Variants in GRK7 observed in about 807,000 individuals in gnomAD.
GRK7 encodes the protein G protein-coupled receptor kinase 7, also known as rhodopsin kinase GRK7.
A neutral mutation model predicts 34.1 loss-of-function variants in GRK7; 24 were observed. The ratio of observed to expected loss-of-function variants is 0.70; its 90% CI spans 0.51 to 0.99. The LOEUF is 0.99. Ranked by LOEUF, GRK7 falls within the 50% of genes least tolerant of loss-of-function variation. GRK7 has a pLI of 0.00. For synonymous variants in GRK7, 256 were observed against 279.4 expected (o/e 0.92, Z 0.84); for missense variants, 644 against 707.3 (o/e 0.91, Z 1.02).
At chr3:141,795,672 G>A (rs2084745682) in intron 4 of GRK7, among the ~76,000 whole-genome samples, 1 of 152,148 alleles carries the variant, frequency 6.6e-6, no homozygotes, top group Non-Finnish European at 1.5e-5. Context: ...AGGTGTGGTG[G>A]CTAATGCCTG....
intron 5 of GRK7, among the ~76,000 whole-genome samples, chr3:141,810,855 T>C (rs144689539): frequency 3.9e-5 from 6 of 152,260 alleles, no homozygotes; most frequent in Non-Finnish European, 8.8e-5. Context: ...AAATAGGATA[T>C]GGTGACCACT....
intron 4 of GRK7, among the ~76,000 whole-genome samples, chr3:141,799,596 A>G (rs945003634): frequency 2.0e-5 from 3 of 150,972 alleles, no homozygotes; most frequent in African/African-American, 7.3e-5. Context: ...TGGGTGATAG[A>G]GTGAGGCTCG....
At chr3:141,798,868 AC>A (rs1451386469) in intron 4 of GRK7, among the ~76,000 whole-genome samples, 1 of 152,248 alleles carries the variant, frequency 6.6e-6, no homozygotes, top group Non-Finnish European at 1.5e-5. Flanking sequence ...TCCATGGCTG[AC>A]ATTTTCTGTC....
intron 1 of GRK7, among the ~76,000 whole-genome samples, chr3:141,771,307 G>A (rs1289443360): frequency 6.6e-6 from 1 of 152,126 alleles, no homozygotes. Context: ...AATGTGGATG[G>A]AACTGGAGGC....
Position 141,778,575 on chromosome 3 carries a change from G to T in GRK7, c.291G>T (p.Glu97Asp). ...LEDVQNWELAEEGPTKDSALQ... is the reference protein window; with the variant it reads ...LEDVQNWELADEGPTKDSALQ... ...ACGTGCAGAACTGGGAGCTGGCCGA[G>T]GAGGGACCCACCAAAGACAGCGCGC... The change falls in exon 3 of 6, where the codon GAG becomes GAT. Residue 97 changes from glutamate to aspartate, a missense_variant. Glu to Asp is a conservative substitution (Grantham distance 45). Transcript: ENST00000682958. The surrounding 1 kb of genome is among the most constrained non-coding windows in gnomAD (Gnocchi z 4.1). 6.2e-7 allele frequency: 1 copy of T among 1,613,262 alleles called. No individual in the cohort carries two copies. The highest frequency in any genetic ancestry group is 1.1e-5 in the South Asian group (1 of 91,058).
intron 4 of GRK7, among the ~76,000 whole-genome samples, chr3:141,807,087 G>A (rs978947662): frequency 6.6e-6 from 1 of 152,094 alleles, no homozygotes; most frequent in African/African-American, 2.4e-5. Context: ...CAATTAAAAT[G>A]ACAGTGTTAA....
At chr3:141,768,039 T>A (rs2084597679) in intron 1 of GRK7, among the ~76,000 whole-genome samples, 1 of 152,208 alleles carries the variant, frequency 6.6e-6, no homozygotes, top group Admixed American at 6.5e-5. Context: ...TCCTGAAAGT[T>A]AGAAAATGAA....
chr3:141,788,900 C>A lies in GRK7; in HGVS notation c.1050+8089C>A, dbSNP rs985567038. On this transcript the variant is annotated intron_variant, in intron 4 of 5. Transcript: ENST00000682958. The stretch of plus-strand genomic sequence containing the variant: ...CCAGGCTGGAGTGCAGTGGTGTGAT[C>A]TCAGCTCACTGAAACCTCTACCTCT... Among the ~76,000 whole-genome samples the A allele has an allele frequency of 1.1e-4, 17 of 152,290 alleles. No individual in the cohort carries two copies. In the East Asian group the frequency reaches 2.7e-3, roughly 24 times the overall value.
chr3:141,803,896 G>C (rs775064936), intron 4 of GRK7, among the ~76,000 whole-genome samples: 1 of 142,548 alleles, frequency 7.0e-6, no homozygotes, highest in Non-Finnish European at 1.5e-5. Flanking sequence ...ATTTTTAGTA[G>C]AGACGGGTTT....
intron 4 of GRK7, 143 bp from the exon 5 acceptor site, chr3:141,807,502 A>G (rs1299140435): frequency 8.0e-6 from 6 of 748,972 alleles, no homozygotes; most frequent in Middle Eastern, 3.9e-4. Flanking sequence ...GGTTAGACAC[A>G]TTGCCACCCC....
At chr3:141,797,023 C>T (rs1257818171) in intron 4 of GRK7, among the ~76,000 whole-genome samples, 2 of 152,210 alleles carry the variant, frequency 1.3e-5, no homozygotes, top group African/African-American at 4.8e-5. Context: ...GAGTAAGCGG[C>T]TGTGGGTGAC....
chr3:141,794,250 C>T (rs1461460432), intron 4 of GRK7, among the ~76,000 whole-genome samples: 3 of 152,146 alleles, frequency 2.0e-5, no homozygotes, highest in African/African-American at 7.2e-5. Flanking sequence ...GCATTAAACC[C>T]CAGTAAAGGT....
chr3:141,776,342 A>G (rs541233220), intron 2 of GRK7, among the ~76,000 whole-genome samples: 1 of 152,312 alleles, frequency 6.6e-6, no homozygotes, highest in African/African-American at 2.4e-5. Flanking sequence ...TATCTGTGAT[A>G]TCAATGCTAC....
chr3:141,790,855 C>T (rs562861849), intron 4 of GRK7, among the ~76,000 whole-genome samples: 5 of 152,324 alleles, frequency 3.3e-5, no homozygotes, highest in South Asian at 2.1e-4. Flanking sequence ...TAAGCCACCG[C>T]GCCCGGTCAA....
rs2084577630 is a variant in GRK7, at chr3:141,765,710, G to A, written c.-243G>A. On this transcript the variant is annotated 5_prime_UTR_variant, in exon 1 of 6. Coordinates refer to ENST00000682958, the MANE Select transcript of GRK7 (RefSeq NM_139209.3). ...AGCTCAGCCACCCACCGATCCCCCA[G>A]CTGAATGCAACCATAAGAGTGAGTC... Among the ~76,000 whole-genome samples, 1 of 152,096 alleles carries A rather than the reference G, an allele frequency of 6.6e-6. No individual in the cohort carries two copies. The highest frequency in any genetic ancestry group is 1.5e-5 in the Non-Finnish European group (1 of 68,016).
intron 4 of GRK7, among the ~76,000 whole-genome samples, chr3:141,799,539 G>C (rs760277625): frequency 1.7e-4 from 26 of 152,062 alleles, no homozygotes; most frequent in Non-Finnish European, 2.6e-4. Context: ...TTGAACCTGG[G>C]AGGTGGAGGT....
At chr3:141,757,147 C>CTTTTTTTTTTT in the GRK7 span, among the ~76,000 whole-genome samples, 2 of 89,456 alleles carry the variant, frequency 2.2e-5, no homozygotes, top group East Asian at 3.2e-4. Flanking sequence ...TTTTTTTTTT[C>CTTTTTTTTTTT]TTTTTTTTTT....
In GRK7 at chr3:141,807,751, C is replaced by T; in HGVS notation, c.1157C>T (p.Ala386Val). Residue 386 changes from alanine (A) to valine (V), a missense_variant, in exon 5 of 6, where the codon GCT becomes GTT. Transcript: ENST00000682958. ...AMGCSIYEMV[A>V]GRTPFKDYKE... ...GGATGCAGCATTTATGAAATGGTTGCTGGACGAACACCATTCAAAGATTAC... is the reference window on the plus strand; with the variant it reads ...GGATGCAGCATTTATGAAATGGTTGTTGGACGAACACCATTCAAAGATTAC... The T allele has an allele frequency of 6.2e-7, 1 of 1,614,106 alleles. No homozygotes were observed. Among genetic ancestry groups the T allele is most frequent in the Non-Finnish European group, 8.5e-7 (1 of 1,179,966 alleles).
At chr3:141,784,956 C>T (rs2084688413) in intron 4 of GRK7, among the ~76,000 whole-genome samples, 1 of 152,186 alleles carries the variant, frequency 6.6e-6, no homozygotes, top group Admixed American at 6.5e-5. Context: ...CCACGCGATG[C>T]CCTGAGCCAT....
Sources: allele counts gnomAD v4.1 joint callset (sites outside exome capture counted in the v4.1 genomes callset), GRCh38; gene constraint gnomAD v4.1.1; non-coding constraint Gnocchi (gnomAD v3.1); transcripts MANE v1.5; gene names NCBI Gene and HGNC (gene_info 2026-07-23, HGNC 2026-07-21).